The following PAMR1 variants were observed in gnomAD, a reference collection of about 807,000 sequenced individuals.
PAMR1 encodes inactive serine protease PAMR1.
In PAMR1, 88 loss-of-function variants were observed where a neutral mutation model predicts 81.8. The observed-to-expected ratio is 1.08, with a 90% confidence interval of 0.91 to 1.28. PAMR1 has a LOEUF of 1.28. Among genes scored for constraint, PAMR1 ranks in the 50% most tolerant of loss-of-function variants. The probability of loss-of-function intolerance (pLI) is 0.00; values close to 1 mark genes in which losing one functional copy is unlikely to be tolerated. For synonymous variants in PAMR1, 336 were observed against 345.3 expected (o/e 0.97, Z 0.30); for missense variants, 935 against 919.7 (o/e 1.02, Z -0.21).
intron 8 of PAMR1, among the ~76,000 whole-genome samples, chr11:35,437,667 C>T (rs2135337510): frequency 6.6e-6 from 1 of 152,346 alleles, no homozygotes; most frequent in African/African-American, 2.4e-5. Context: ...AAGTTTCAGC[C>T]TTGCTTTTTC....
At chr11:35,480,770 G>A (rs1850375695) in intron 3 of PAMR1, among the ~76,000 whole-genome samples, 1 of 152,076 alleles carries the variant, frequency 6.6e-6, no homozygotes, top group South Asian at 2.1e-4. Context: ...ACGTGCCATG[G>A]TGGTTTGCTG....
intron 1 of PAMR1, among the ~76,000 whole-genome samples, chr11:35,496,266 A>G (rs1850725461): frequency 6.6e-6 from 1 of 152,254 alleles, no homozygotes; most frequent in Non-Finnish European, 1.5e-5. Flanking sequence ...AAAATGAATT[A>G]GACTTTATCA....
In PAMR1 at chr11:35,432,578, C is replaced by G. The variant is rs749497491; in HGVS notation, c.1941G>C (p.Met647Ile). Reference protein sequence around the residue: ...HGIPVSVTDNMFCASWEPTAP... With the variant: ...HGIPVSVTDNIFCASWEPTAP... The stretch of plus-strand genomic sequence containing the variant: ...CAGTGGGTTCCCAGCTGGCACAGAA[C>G]ATGTTATCAGTGACACTCACTGGGA... Residue 647 changes from methionine (M) to isoleucine (I), a missense_variant, in exon 11 of 11, where the codon ATG becomes ATC. Met to Ile is a conservative substitution (Grantham distance 10, BLOSUM62 1). Coordinates refer to ENST00000619888, the MANE Select transcript of PAMR1 (RefSeq NM_001001991.3). 6.2e-7 allele frequency: 1 copy of G among 1,614,178 alleles called. No homozygotes were observed. The highest frequency in any genetic ancestry group is 2.2e-5 in the East Asian group (1 of 44,890).
At chr11:35,447,068 C>T (rs1188924366) in intron 6 of PAMR1, among the ~76,000 whole-genome samples, 5 of 152,072 alleles carry the variant, frequency 3.3e-5, no homozygotes, top group Non-Finnish European at 7.4e-5. Flanking sequence ...CTTAATTGAA[C>T]CCTTTATGAT....
intron 3 of PAMR1, among the ~76,000 whole-genome samples, chr11:35,481,855 A>G (rs529158116): frequency 3.3e-5 from 5 of 152,174 alleles, no homozygotes; most frequent in Non-Finnish European, 5.9e-5. Context: ...GTCTGTTCAT[A>G]TCTTTTGCCC....
At chr11:35,458,921 C>T (rs944219284) in intron 6 of PAMR1, among the ~76,000 whole-genome samples, 13 of 152,246 alleles carry the variant, frequency 8.5e-5, no homozygotes, top group African/African-American at 3.1e-4. Context: ...ATTTTTTACT[C>T]CCAGGAAGGT....
At chr11:35,451,416 G>T (rs780383500) in intron 6 of PAMR1, among the ~76,000 whole-genome samples, 45 of 152,308 alleles carry the variant, frequency 3.0e-4, no homozygotes, top group Non-Finnish European at 5.4e-4. Context: ...ATAATGCTTA[G>T]ATGTGTATTC....
At position 35,470,964 on chromosome 11, in the gene PAMR1, G is replaced by A. The variant is rs1856844587; in HGVS notation, c.495-146C>T. On this transcript the variant is annotated intron_variant, in intron 4 of 10. Transcript: ENST00000619888. The stretch of plus-strand genomic sequence containing the variant: ...TCGGATAGGAAAATGGTCCTCAGAG[G>A]TTGGCGAATTTCTCTTAGCAGAGGA... 6.0e-5 allele frequency: 38 copies of A among 637,038 alleles called. No homozygotes were observed. The South Asian group carries it at 6.9e-4, about 12-fold the overall frequency. The allele number at this position is 637,038 out of a possible 1,614,324, so 39.5% of individuals were successfully genotyped here. A position where few individuals can be genotyped will look rare whatever the true frequency, so the allele number is the denominator to read the frequency against.
At position 35,432,988 on chromosome 11, in the gene PAMR1, TC is replaced by T. The variant is rs750690549; in HGVS notation, c.1627-97del. The T allele has an allele frequency of 3.3e-4, 340 of 1,019,440 alleles. 1 individual carries two copies. Among genetic ancestry groups the T allele is most frequent in the Middle Eastern group, 3.2e-4 (1 of 3,140 alleles). The allele number at this position is 1,019,440 out of a possible 1,614,324, so 63.1% of individuals were successfully genotyped here. A position where few individuals can be genotyped will look rare whatever the true frequency, so the allele number is the denominator to read the frequency against. ...GGAGCTAAATTTTTGGGAGAAAATGTCTAAGAGGCAGCTACAATTATTTGGA... is the reference window on the plus strand; with the variant it reads ...GGAGCTAAATTTTTGGGAGAAAATGTTAAGAGGCAGCTACAATTATTTGGA... On this transcript the variant is annotated intron_variant, in intron 10 of 10. Coordinates refer to ENST00000619888, the MANE Select transcript of PAMR1 (RefSeq NM_001001991.3).
chr11:35,434,843 CT>C, intron 9 of PAMR1, 39 bp from the exon 10 acceptor site: 1 of 1,587,638 alleles, frequency 6.3e-7, no homozygotes, highest in Non-Finnish European at 8.6e-7. Context: ...TAAACTCAGA[CT>C]TTGCCATCCA....
chr11:35,526,544 T>G (rs763518180), upstream of PAMR1, among the ~76,000 whole-genome samples: 1 of 152,192 alleles, frequency 6.6e-6, no homozygotes, highest in African/African-American at 2.4e-5. Flanking sequence ...ATTAACTCAA[T>G]TATTCCTCAC....
At chr11:35,525,654 G>T, upstream of PAMR1, 1 of 1,442,190 alleles carries the variant, frequency 6.9e-7, no homozygotes, top group Non-Finnish European at 9.6e-7. Context: ...GCCGGGGGCA[G>T]GCGGGTTTTA....
At chr11:35,434,837 C>G in intron 9 of PAMR1, 33 bp from the exon 10 acceptor site, 1 of 1,595,450 alleles carries the variant, frequency 6.3e-7, no homozygotes, top group Non-Finnish European at 8.6e-7. Context: ...GTAAGATAAA[C>G]TCAGACTTTG....
In PAMR1 at chr11:35,525,551, G is replaced by T; in HGVS notation, c.35C>A (p.Thr12Asn). ...CGAGATGAGAAGGAGCTGAAGAAAA[G>T]TGAGCCCCAACTGCGTCCAGCAACC... Reference protein sequence around the residue: ...ELGCWTQLGLTFLQLLLISSL... With the variant: ...ELGCWTQLGLNFLQLLLISSL... The change falls in exon 1 of 11, where the codon ACT becomes AAT. Residue 12 changes from threonine to asparagine, a missense_variant. Physicochemically the swap from Thr to Asn is moderately conservative, Grantham distance 65 (BLOSUM62 0). Transcript: ENST00000619888. 6.2e-7 allele frequency: 1 copy of T among 1,614,086 alleles called. No individual in the cohort carries two copies. Among genetic ancestry groups the T allele is most frequent in the South Asian group, 1.1e-5 (1 of 91,060 alleles).
chr11:35,471,934 A>C (rs548470183), intron 4 of PAMR1, among the ~76,000 whole-genome samples: 40 of 152,338 alleles, frequency 2.6e-4, no homozygotes, highest in African/African-American at 9.4e-4. Flanking sequence ...GAGTAGGGAT[A>C]TTTCTGCCAC....
At chr11:35,494,803 T>C (rs1356951041) in intron 1 of PAMR1, among the ~76,000 whole-genome samples, 2 of 152,230 alleles carry the variant, frequency 1.3e-5, no homozygotes, top group Non-Finnish European at 2.9e-5. Flanking sequence ...CATGGGAGCA[T>C]AGATGAAGTT....
chr11:35,479,461 T>G (rs1413692356), intron 3 of PAMR1, among the ~76,000 whole-genome samples: 1 of 152,236 alleles, frequency 6.6e-6, no homozygotes, highest in Non-Finnish European at 1.5e-5. Context: ...CAGCACCTGG[T>G]ACATAAAAAT....
intron 3 of PAMR1, among the ~76,000 whole-genome samples, chr11:35,475,768 T>C (rs1200674256): frequency 6.6e-6 from 1 of 152,234 alleles, no homozygotes; most frequent in Non-Finnish European, 1.5e-5. Flanking sequence ...CATTCATTTA[T>C]GTATTGCCTA....
chr11:35,529,158 T>G (rs763627915), upstream of PAMR1, among the ~76,000 whole-genome samples: 3 of 152,218 alleles, frequency 2.0e-5, no homozygotes, highest in Non-Finnish European at 2.9e-5. Flanking sequence ...TCAAGGATTC[T>G]TAATCTGGAA....
Sources: gnomAD v4.1 joint callset for allele counts (sites outside exome capture counted in the v4.1 genomes callset) on GRCh38, gnomAD v4.1.1 for gene constraint, MANE v1.5 for transcripts, NCBI Gene and HGNC (gene_info 2026-07-23, HGNC 2026-07-21) for gene names.